Variants in ANXA4 observed in about 807,000 individuals in gnomAD.
ANXA4 encodes the protein annexin A4.
A neutral mutation model predicts 49.8 loss-of-function variants in ANXA4; 39 were observed. The ratio of observed to expected loss-of-function variants is 0.78; its 90% confidence interval spans 0.61 to 1.02. The LOEUF (loss-of-function observed/expected upper bound fraction) is 1.02. ANXA4 is among the 50% of genes least tolerant of loss of function. The pLI is 0.00. For missense variants in ANXA4, 360 were observed against 410.1 expected (o/e 0.88, Z 1.05); for synonymous variants, 134 against 152.5 (o/e 0.88, Z 0.89).
At chr2:69,700,692 C>T (rs542855692) in intron 2 of ANXA4, among the ~76,000 whole-genome samples, 26 of 152,290 alleles carry the variant, frequency 1.7e-4, no homozygotes, top group Middle Eastern at 3.4e-3. Flanking sequence ...TACGGAGTAG[C>T]GTGCTATATG....
intron 1 of ANXA4, among the ~76,000 whole-genome samples, chr2:69,771,185 A>C (rs1409896145): frequency 6.6e-6 from 1 of 151,798 alleles, no homozygotes; most frequent in Non-Finnish European, 1.5e-5. Flanking sequence ...AGACAGGTTG[A>C]TTTGGGAAGC....
At chr2:69,810,082 G>A (rs1031779291) in intron 6 of ANXA4, 3 of 154,160 alleles carry the variant, frequency 1.9e-5, no homozygotes, top group African/African-American at 7.2e-5. Flanking sequence ...ATCTTGGCTG[G>A]GTGCGGTGGC....
At chr2:69,780,141 A>G (rs913797739) in intron 1 of ANXA4, among the ~76,000 whole-genome samples, 2 of 152,178 alleles carry the variant, frequency 1.3e-5, no homozygotes, top group Non-Finnish European at 2.9e-5. Flanking sequence ...GGAATCTTGT[A>G]AAAATGCAGA....
chr2:69,663,201 A>C (rs936272734), intron 2 of ANXA4, among the ~76,000 whole-genome samples: 1 of 144,386 alleles, frequency 6.9e-6, no homozygotes, highest in African/African-American at 2.6e-5. Context: ...TCACCATGTT[A>C]GCCAGGATGG....
At chr2:69,715,960 C>A (rs111352102) in intron 2 of ANXA4, among the ~76,000 whole-genome samples, 2 of 152,122 alleles carry the variant, frequency 1.3e-5, no homozygotes, top group African/African-American at 4.8e-5. Context: ...AGTCATGGGC[C>A]AAGTGCTGGG....
chr2:69,721,391 T>C (rs1403903492), intron 3 of ANXA4, among the ~76,000 whole-genome samples: 2 of 152,166 alleles, frequency 1.3e-5, no homozygotes, highest in Non-Finnish European at 2.9e-5. Flanking sequence ...AGAGCAGCAA[T>C]AACACAAGCA....
chr2:69,798,112 C>T (rs1175111153), intron 3 of ANXA4, among the ~76,000 whole-genome samples: 7 of 152,178 alleles, frequency 4.6e-5, no homozygotes, highest in Non-Finnish European at 1.0e-4. Context: ...GGAAAAGAAA[C>T]AGCCTAAGTG....
intron 2 of ANXA4, among the ~76,000 whole-genome samples, chr2:69,660,969 G>A (rs1364083755): frequency 6.6e-6 from 1 of 152,024 alleles, no homozygotes; most frequent in East Asian, 1.9e-4. Context: ...AAAGCATAGA[G>A]AAAAGCAAAT....
At chr2:69,758,133 A>G (rs1368940968) in intron 1 of ANXA4, among the ~76,000 whole-genome samples, 1 of 152,084 alleles carries the variant, frequency 6.6e-6, no homozygotes, top group Non-Finnish European at 1.5e-5. Context: ...GTGCCTCAGC[A>G]TCCGGCATAG....
At chr2:69,696,614 G>C (rs953763183) in intron 2 of ANXA4, among the ~76,000 whole-genome samples, 1 of 152,144 alleles carries the variant, frequency 6.6e-6, no homozygotes, top group East Asian at 1.9e-4. Flanking sequence ...TCCATCAGAG[G>C]AATCACTATC....
chr2:69,685,467 T>C (rs916910907), intron 2 of ANXA4, among the ~76,000 whole-genome samples: 1 of 152,178 alleles, frequency 6.6e-6, no homozygotes, highest in Non-Finnish European at 1.5e-5. Context: ...TAACAAACTG[T>C]AAAGAAGCAT....
At chr2:69,763,856 T>C (rs770598665) in intron 1 of ANXA4, among the ~76,000 whole-genome samples, 3 of 151,954 alleles carry the variant, frequency 2.0e-5, no homozygotes, top group Non-Finnish European at 4.4e-5. Flanking sequence ...GGAGATGGGG[T>C]TTCGCCATGT....
At chr2:69,666,270 A>G (rs762462842) in intron 2 of ANXA4, among the ~76,000 whole-genome samples, 9 of 152,240 alleles carry the variant, frequency 5.9e-5, no homozygotes, top group Non-Finnish European at 1.3e-4. Context: ...AGGGAAATGC[A>G]TACCAAAACC....
chr2:69,671,929 T>C (rs1307201024), intron 2 of ANXA4, among the ~76,000 whole-genome samples: 2 of 152,214 alleles, frequency 1.3e-5, no homozygotes, highest in African/African-American at 4.8e-5. Flanking sequence ...ACTGTACAAC[T>C]AATTTGCAAA....
chr2:69,806,566 TG>T, intron 5 of ANXA4, 68 bp downstream of exon 5: 1 of 1,333,520 alleles, frequency 7.5e-7, no homozygotes, highest in South Asian at 1.2e-5. Context: ...CTTAAGAAAC[TG>T]TCACCCAATA....
At chr2:69,780,130 G>C (rs960496457) in intron 1 of ANXA4, among the ~76,000 whole-genome samples, 2 of 136,726 alleles carry the variant, frequency 1.5e-5, no homozygotes, top group African/African-American at 3.0e-5. Context: ...CAAATGTTTG[G>C]GGAATCTTGT....
intron 2 of ANXA4, among the ~76,000 whole-genome samples, chr2:69,696,580 G>T (rs1678166767): frequency 6.6e-6 from 1 of 152,120 alleles, no homozygotes; most frequent in South Asian, 2.1e-4. Context: ...CTTTCCAGAA[G>T]GTTTTCAATT....
chr2:69,795,503 G>T (rs1052418171), intron 3 of ANXA4, among the ~76,000 whole-genome samples: 5 of 152,122 alleles, frequency 3.3e-5, no homozygotes, highest in African/African-American at 1.2e-4. Context: ...TCCTAGTATC[G>T]GGGTGTTGCA....
intron 2 of ANXA4, among the ~76,000 whole-genome samples, chr2:69,661,673 A>T (rs2105324766): frequency 6.6e-6 from 1 of 152,308 alleles, no homozygotes; most frequent in East Asian, 1.9e-4. Flanking sequence ...GACTTAGCAG[A>T]CCTGAGAAAG....
Sources: allele counts gnomAD v4.1 joint callset (sites outside exome capture counted in the v4.1 genomes callset), GRCh38; gene constraint gnomAD v4.1.1; transcripts MANE v1.5; gene names NCBI Gene and HGNC (gene_info 2026-07-23, HGNC 2026-07-21).